Variants in RADIL observed in about 807,000 individuals in gnomAD.
The protein encoded by RADIL is Rap associating with DIL domain.
A neutral mutation model predicts 97.6 loss-of-function variants in RADIL; 99 were observed. That is an observed-to-expected ratio of 1.01 (90% confidence interval 0.86 to 1.20). RADIL has a LOEUF of 1.20. Ranked by LOEUF, RADIL falls within the 50% of genes most tolerant of loss-of-function variation. The pLI is 0.00. For synonymous variants in RADIL, 803 were observed against 691.8 expected (o/e 1.16, Z -2.52); for missense variants, 1,765 against 1,498.9 (o/e 1.18, Z -2.93).
In RADIL at chr7:4,819,893, C is replaced by T. The variant is rs561754499; in HGVS notation, c.1615+2501G>A. ...TGCTCAGGCCCCTGACCAAAAATAA[C>T]TTCCTCCCAAGACCAAAGGCAGCAG... On this transcript the variant is annotated intron_variant, in intron 6 of 14. Transcript: ENST00000399583. The surrounding 1 kb of genome is among the most constrained non-coding windows in gnomAD (Gnocchi z 5.8). 2.0e-5 allele frequency among the ~76,000 whole-genome samples: 3 copies of T among 152,310 alleles called. No individual in the cohort carries two copies. In the South Asian group the frequency reaches 6.2e-4, roughly 32 times the overall value.
At chr7:4,807,245 G>A (rs1056422106) in intron 9 of RADIL, among the ~76,000 whole-genome samples, 18 of 151,960 alleles carry the variant, frequency 1.2e-4, no homozygotes, top group Admixed American at 5.2e-4. Context: ...CTCGGGCGTC[G>A]TGCAGGAGGG....
intron 2 of RADIL, chr7:4,859,614 AGAC>A: frequency 2.6e-6 from 1 of 381,078 alleles, no homozygotes; most frequent in Non-Finnish European, 4.8e-6. Flanking sequence ...TAGTATTTGA[AGAC>A]AACAGGTTCA....
At chr7:4,806,146 T>C in intron 9 of RADIL, 1 of 804,732 alleles carries the variant, frequency 1.2e-6, no homozygotes, top group Non-Finnish European at 1.5e-6. Context: ...AGGGAAAACA[T>C]TTGTTTGTTT....
intron 2 of RADIL, chr7:4,861,949 G>T: frequency 2.1e-6 from 1 of 483,832 alleles, no homozygotes; most frequent in Non-Finnish European, 3.5e-6. Context: ...CCCGCTGCGC[G>T]CCCGCCGCTT....
chr7:4,830,087 GT>G lies in RADIL; in HGVS notation c.1454+2053del, dbSNP rs1783098901. ...TCTGCCTTCGTCAGTGTTATCTCAC[GT>G]GTGTGTCTTAAACAGGATGGCTTGG... On this transcript the variant is annotated intron_variant, in intron 5 of 14. Coordinates refer to ENST00000399583, the MANE Select transcript of RADIL (RefSeq NM_018059.5). Among the ~76,000 whole-genome samples, 5 of 152,280 alleles carry G rather than the reference GT, an allele frequency of 3.3e-5. No individual in the cohort carries two copies. The South Asian group carries it at 1.0e-3, about 32-fold the overall frequency.
intron 9 of RADIL, among the ~76,000 whole-genome samples, chr7:4,806,983 G>C (rs1041471528): frequency 6.6e-6 from 1 of 152,148 alleles, no homozygotes; most frequent in African/African-American, 2.4e-5. Context: ...TTTGCTGTAA[G>C]CCCACTCTTG....
At chr7:4,801,458 C>T (rs929064163) in intron 12 of RADIL, among the ~76,000 whole-genome samples, 195 bp downstream of exon 12, 7 of 152,244 alleles carry the variant, frequency 4.6e-5, no homozygotes, top group African/African-American at 9.6e-5. Context: ...AGCGACTGAG[C>T]GACCGTGTGG....
chr7:4,819,281 AG>A lies in RADIL; in HGVS notation c.1616-1931del, dbSNP rs1219937533. Among the ~76,000 whole-genome samples, 2 of 151,900 alleles carry A rather than the reference AG, an allele frequency of 1.3e-5. No homozygotes were observed. Among genetic ancestry groups the A allele is most frequent in the African/African-American group, 2.4e-5 (1 of 41,324 alleles). ...GAGACGGGGTTTCACCATGTTGGCCAGGCTGGTCTCAAACTCCTGACCTCAT... is the reference window on the plus strand; with the variant it reads ...GAGACGGGGTTTCACCATGTTGGCCAGCTGGTCTCAAACTCCTGACCTCAT... On this transcript the variant is annotated intron_variant, in intron 6 of 14. Coordinates refer to ENST00000399583, the MANE Select transcript of RADIL (RefSeq NM_018059.5). The surrounding 1 kb of genome is among the most constrained non-coding windows in gnomAD (Gnocchi z 5.8).
rs772452213 is a variant in RADIL at position 4,835,451 on chromosome 7, C to T, written c.784-212G>A. ...CCCATCCCAGAGGAGGTCGGTTTCC[C>T]GGAGGAGCACACGAGAGACCCAGGA... On this transcript the variant is annotated intron_variant, in intron 3 of 14. Coordinates refer to ENST00000399583, the MANE Select transcript of RADIL (RefSeq NM_018059.5). This position sits in a 1 kb window ranked among gnomAD's most constrained non-coding sequence, Gnocchi z 5.8. 2.6e-5 allele frequency among the ~76,000 whole-genome samples: 4 copies of T among 152,078 alleles called. No individual in the cohort carries two copies. Among genetic ancestry groups the T allele is most frequent in the African/African-American group, 4.8e-5 (2 of 41,406 alleles).
At chr7:4,874,645 T>G (rs918008151) in intron 2 of RADIL, among the ~76,000 whole-genome samples, 1 of 152,200 alleles carries the variant, frequency 6.6e-6, no homozygotes. Context: ...TCAGTATGGC[T>G]GGGCAGCCTG....
chr7:4,804,916 G>A (rs1312261372), intron 10 of RADIL, among the ~76,000 whole-genome samples: 1 of 151,812 alleles, frequency 6.6e-6, no homozygotes, highest in Non-Finnish European at 1.5e-5. Flanking sequence ...CTAAGATGGT[G>A]AAACCCGTCT....
At chr7:4,866,098 T>C (rs528184257) in intron 2 of RADIL, among the ~76,000 whole-genome samples, 38 of 152,314 alleles carry the variant, frequency 2.5e-4, no homozygotes, top group South Asian at 6.2e-4. Flanking sequence ...TGACTGTATA[T>C]GTTTTTTGAG....
At chr7:4,846,001 CCTG>C (rs1218338474) in intron 2 of RADIL, among the ~76,000 whole-genome samples, 1 of 152,214 alleles carries the variant, frequency 6.6e-6, no homozygotes, top group African/African-American at 2.4e-5. Flanking sequence ...GAAGCACAGT[CCTG>C]CTCACCGCGT....
chr7:4,800,059 C>T (rs1782028408), intron 13 of RADIL, 112 bp downstream of exon 13: 2 of 1,410,432 alleles, frequency 1.4e-6, no homozygotes, highest in Non-Finnish European at 1.9e-6. Flanking sequence ...CACTCTCCTC[C>T]CCGAAGGCCT....
At chr7:4,805,025 T>C (rs576987306) in intron 10 of RADIL, among the ~76,000 whole-genome samples, 243 of 151,726 alleles carry the variant, frequency 1.6e-3, no homozygotes, top group South Asian at 2.1e-3. Context: ...ACCTGGGAGG[T>C]GGAGGTTGCA....
At chr7:4,848,245 A>C (rs1241744331) in intron 2 of RADIL, among the ~76,000 whole-genome samples, 1 of 151,616 alleles carries the variant, frequency 6.6e-6, no homozygotes, top group Non-Finnish European at 1.5e-5. Context: ...CTAAGACTGG[A>C]CTGTGATGAT....
At chr7:4,820,395 G>A (rs928592083) in intron 6 of RADIL, among the ~76,000 whole-genome samples, 1 of 152,158 alleles carries the variant, frequency 6.6e-6, no homozygotes, top group African/African-American at 2.4e-5. Context: ...AGTCGTTTAC[G>A]TCACTTTCCA....
rs961505822 is a variant in RADIL at position 4,819,951 on chromosome 7, G to A, written c.1615+2443C>T. On this transcript the variant is annotated intron_variant, in intron 6 of 14. Coordinates refer to ENST00000399583, the MANE Select transcript of RADIL (RefSeq NM_018059.5). The surrounding 1 kb of genome is among the most constrained non-coding windows in gnomAD (Gnocchi z 5.8). ...AGCCCAGAGCAATTTTTCCCATGAAGAGCAGCCAGCACGGGGACCACATGG... is the reference window on the plus strand; with the variant it reads ...AGCCCAGAGCAATTTTTCCCATGAAAAGCAGCCAGCACGGGGACCACATGG... 6.6e-6 allele frequency among the ~76,000 whole-genome samples: 1 copy of A among 152,168 alleles called. No homozygotes were observed. The highest frequency in any genetic ancestry group is 1.5e-5 in the Non-Finnish European group (1 of 68,028).
chr7:4,861,757 C>T lies in RADIL; in HGVS notation c.535+15848G>A, dbSNP rs775189395. On this transcript the variant is annotated intron_variant, in intron 2 of 14. Transcript: ENST00000399583. ...TAGGCGAGGAGACGCCGTAGCGATT[C>T]GGCGGCGGCGCCGGCTGCGGTGGTC... 7.4e-6 allele frequency: 11 copies of T among 1,486,616 alleles called. No individual in the cohort carries two copies. In the Admixed American group the frequency reaches 1.2e-4, roughly 17 times the overall value. The allele number at this position is 1,486,616 out of a possible 1,614,324, so 92.1% of individuals were successfully genotyped here. A position where few individuals can be genotyped will look rare whatever the true frequency, so the allele number is the denominator to read the frequency against.
Sources: gnomAD v4.1 joint callset for allele counts (sites outside exome capture counted in the v4.1 genomes callset) on GRCh38, gnomAD v4.1.1 for gene constraint, Gnocchi (gnomAD v3.1) non-coding constraint, MANE v1.5 for transcripts, NCBI Gene and HGNC (gene_info 2026-07-23, HGNC 2026-07-21) for gene names.